Variants in TMC2 observed in about 807,000 individuals in gnomAD.
TMC2 encodes transmembrane channel like 2, also known as transmembrane channel-like protein 2.
Under a neutral mutation model 105.9 loss-of-function variants are expected in TMC2, and 102 were observed. The observed-to-expected ratio is 0.96, with a 90% CI of 0.82 to 1.14. TMC2 has a LOEUF of 1.14. Ranked by LOEUF, TMC2 falls within the 50% of genes most tolerant of loss-of-function variation. TMC2 has a pLI of 0.00. For missense variants in TMC2, 1,093 were observed against 1,134.3 expected, an observed-to-expected ratio of 0.96 and a Z score of 0.52; for synonymous variants, 402 against 422.8, an observed-to-expected ratio of 0.95 and a Z score of 0.60.
At chr20:2,606,277 T>A (rs1318918389) in intron 11 of TMC2, among the ~76,000 whole-genome samples, 1 of 152,228 alleles carries the variant, frequency 6.6e-6, no homozygotes, top group Non-Finnish European at 1.5e-5. Context: ...TATTTACTTT[T>A]GAGATGAAGT....
intron 1 of TMC2, 78 bp downstream of exon 1, chr20:2,536,733 G>A (rs1007083476): frequency 1.1e-4 from 167 of 1,460,906 alleles, no homozygotes; most frequent in Non-Finnish European, 1.5e-4. Flanking sequence ...AAGCACATAT[G>A]GTGTTCAGAG....
At position 2,561,950 on chromosome 20, in the gene TMC2, A is replaced by G; in HGVS notation, c.494A>G (p.Lys165Arg). The G allele has an allele frequency of 6.2e-7, 1 of 1,614,226 alleles. No individual in the cohort carries two copies. Among genetic ancestry groups the G allele is most frequent in the Non-Finnish European group, 8.5e-7 (1 of 1,180,028 alleles). The part of the protein sequence containing the change: ...QILEQVEEKK[K>R]LIATMRSKPW... ...CTGGAGCAGGTGGAAGAAAAAAAGAAGCTCATTGCCACCATGCGGAGCAAG... is the reference window on the plus strand; with the variant it reads ...CTGGAGCAGGTGGAAGAAAAAAAGAGGCTCATTGCCACCATGCGGAGCAAG... Residue 165 changes from lysine to arginine, a missense_variant, in exon 4 of 20, where the codon AAG (lysine) becomes AGG (arginine). Coordinates refer to ENST00000358864, the MANE Select transcript of TMC2 (RefSeq NM_080751.3).
At chr20:2,638,439 T>C (rs970209039) in intron 19 of TMC2, among the ~76,000 whole-genome samples, 1 of 152,222 alleles carries the variant, frequency 6.6e-6, no homozygotes, top group Non-Finnish European at 1.5e-5. Context: ...CTGGCTTATG[T>C]GTTTACTATA....
At chr20:2,600,274 G>C (rs2086340969) in intron 10 of TMC2, among the ~76,000 whole-genome samples, 1 of 152,182 alleles carries the variant, frequency 6.6e-6, no homozygotes, top group South Asian at 2.1e-4. Flanking sequence ...TAAGACTTTG[G>C]GGTCTGGGAG....
intron 17 of TMC2, among the ~76,000 whole-genome samples, chr20:2,624,982 C>A (rs6037137): frequency 6.6e-6 from 1 of 151,842 alleles, no homozygotes; most frequent in African/African-American, 2.4e-5. Flanking sequence ...AAGCTGGTTC[C>A]TTCATCACTG....
chr20:2,569,876 G>C (rs1386428460), intron 4 of TMC2, among the ~76,000 whole-genome samples: 2 of 152,108 alleles, frequency 1.3e-5, no homozygotes, highest in Non-Finnish European at 2.9e-5. Flanking sequence ...CTCCAGAGGG[G>C]CCCCAGACAC....
At chr20:2,541,904 G>A (rs1442575457) in intron 2 of TMC2, among the ~76,000 whole-genome samples, 2 of 54,874 alleles carry the variant, frequency 3.6e-5, no homozygotes, top group Non-Finnish European at 4.5e-5. Context: ...ATTTTCCGCC[G>A]TTTCCTAATT....
In TMC2 at chr20:2,622,128, TG is replaced by T. The variant is rs1439807394; in HGVS notation, c.2181-2142del. ...ATAACTGCGTCATTGCAATTTGTGG[TG>T]TGCTGGGCAACAGTTGTAAGCAATG... On this transcript the variant is annotated intron_variant, in intron 16 of 19. Coordinates refer to ENST00000358864, the MANE Select transcript of TMC2 (RefSeq NM_080751.3). Among the ~76,000 whole-genome samples, 6 of 152,328 alleles carry T rather than the reference TG, an allele frequency of 3.9e-5. No homozygotes were observed. The East Asian group carries it at 9.6e-4, about 24-fold the overall frequency.
chr20:2,602,321 T>A lies in TMC2; in HGVS notation c.1413+20T>A. On this transcript the variant is annotated intron_variant, in intron 11 of 19. Coordinates refer to ENST00000358864, the MANE Select transcript of TMC2 (RefSeq NM_080751.3). ...AATGAGGTAAGAAAAACATCGCTGA[T>A]GAACTGAAGGTTGATGGCAAATACT... 1 of 1,549,086 alleles carries A rather than the reference T, an allele frequency of 6.5e-7. No individual in the cohort carries two copies.
intron 10 of TMC2, among the ~76,000 whole-genome samples, chr20:2,599,527 TTC>T (rs954843935): frequency 6.7e-6 from 1 of 150,134 alleles, no homozygotes; most frequent in African/African-American, 2.5e-5. Flanking sequence ...CGTTTTTTTT[TTC>T]TTTAATTACA....
At chr20:2,598,370 G>T (rs2086324296) in intron 10 of TMC2, among the ~76,000 whole-genome samples, 1 of 151,532 alleles carries the variant, frequency 6.6e-6, no homozygotes, top group African/African-American at 2.4e-5. Context: ...GACTGAGAGG[G>T]TTCCTTCACA....
rs368398445 is a variant in TMC2, at chr20:2,594,950, G to A, written c.1059G>A (p.Leu353=). The change falls in exon 9 of 20, where the codon CTG becomes CTA. Residue 353 remains leucine, a synonymous_variant. Transcript: ENST00000358864. ...GGGTCAGCGTGTTCGGCTACAGCCTGATTATTGTCATTCGATCGTAAGTAT... is the reference window on the plus strand; with the variant it reads ...GGGTCAGCGTGTTCGGCTACAGCCTAATTATTGTCATTCGATCGTAAGTAT... ...MVGVSVFGYS[L]IIVIRSMASN... The A allele has an allele frequency of 1.5e-5, 24 of 1,613,698 alleles. No individual in the cohort carries two copies. Among genetic ancestry groups the A allele is most frequent in the Non-Finnish European group, 1.9e-5 (23 of 1,179,926 alleles).
chr20:2,558,456 G>T lies in TMC2; in HGVS notation c.83G>T (p.Gly28Val), dbSNP rs1237491076. 1.3e-6 allele frequency: 2 copies of T among 1,555,112 alleles called. No homozygotes were observed. The highest frequency in any genetic ancestry group is 8.7e-7 in the Non-Finnish European group (1 of 1,149,356). The change falls in exon 3 of 20, where the codon GGT becomes GTT. Residue 28 changes from glycine (G) to valine (V), a missense_variant and splice_region_variant. Transcript: ENST00000358864. The surrounding 1 kb of genome is among the most constrained non-coding windows in gnomAD (Gnocchi z 4.6). ...ACTGTCCATTTTCCCGCCCCGGCAG[G>T]TGACAGGCTGGGAAGGAGATCCTCA... ...GRVKSGSPHT[G>V]DRLGRRSSSK... is the part of the protein sequence containing the mutation.
chr20:2,573,561 C>CT (rs370771531), intron 5 of TMC2, among the ~76,000 whole-genome samples: 6,507 of 116,984 alleles, frequency 0.056, 256 homozygotes, highest in South Asian at 0.081. Context: ...CTTTTCTTTT[C>CT]TTTTTTTTTT....
Position 2,641,871 on chromosome 20 carries a change from C to T in TMC2, c.*520C>T, listed in dbSNP as rs556364635. On this transcript the variant is annotated 3_prime_UTR_variant, in exon 20 of 20. Transcript: ENST00000358864. ...CTTTGGGAGACCAAGGTGGGTGGAT[C>T]GCTTGAGCCCAGGAGTTCAAGACCA... 6.7e-4 allele frequency: 103 copies of T among 154,538 alleles called. 1 individual carries two copies. Among genetic ancestry groups the T allele is most frequent in the Non-Finnish European group, 2.9e-4 (20 of 69,694 alleles). The allele number at this position is 154,538 out of a possible 1,614,324, so 9.6% of individuals were successfully genotyped here.
chr20:2,599,841 G>A (rs1056214521), intron 10 of TMC2, among the ~76,000 whole-genome samples: 1 of 152,166 alleles, frequency 6.6e-6, no homozygotes, highest in Non-Finnish European at 1.5e-5. Flanking sequence ...CTACAACTGC[G>A]CTTCGTTCTC....
In TMC2 at chr20:2,593,461, G is replaced by C. The variant is rs750830664; in HGVS notation, c.933+1053G>C. On this transcript the variant is annotated intron_variant, in intron 8 of 19. Coordinates refer to ENST00000358864, the MANE Select transcript of TMC2 (RefSeq NM_080751.3). The stretch of plus-strand genomic sequence containing the variant: ...TCTGGACTGAGTAAGAAAAAGCCAC[G>C]GAGTTTTTCATCCTTCAAGATTTCA... 3.7e-4 allele frequency among the ~76,000 whole-genome samples: 57 copies of C among 152,254 alleles called. No homozygotes were observed. In the South Asian group the frequency reaches 4.6e-3, roughly 12 times the overall value.
chr20:2,541,729 A>G (rs1033273087), intron 2 of TMC2, among the ~76,000 whole-genome samples: 2 of 152,220 alleles, frequency 1.3e-5, no homozygotes, highest in African/African-American at 4.8e-5. Flanking sequence ...GCCAAACTGC[A>G]TAAAGAGTTG....
At chr20:2,618,775 G>A (rs762863357) in intron 16 of TMC2, among the ~76,000 whole-genome samples, 8 of 152,206 alleles carry the variant, frequency 5.3e-5, no homozygotes, top group Non-Finnish European at 1.0e-4. Flanking sequence ...AGCAGTTTAG[G>A]ACGTACTGCC....
Sources: gnomAD v4.1 joint callset for allele counts (sites outside exome capture counted in the v4.1 genomes callset) on GRCh38, gnomAD v4.1.1 for gene constraint, Gnocchi (gnomAD v3.1) non-coding constraint, MANE v1.5 for transcripts, NCBI Gene and HGNC (gene_info 2026-07-23, HGNC 2026-07-21) for gene names.